Variants in EXOC1L observed in about 807,000 individuals in gnomAD.
The protein encoded by EXOC1L is exocyst complex component 1 like.
Under a neutral mutation model 4.9 loss-of-function variants are expected in EXOC1L, and 10 were observed. The ratio of observed to expected loss-of-function variants is 2.02; its 90% confidence interval spans 1.25 to 3.43. The LOEUF is 3.43. EXOC1L is among the 30% of genes most tolerant of loss of function. The pLI is 0.00. For missense variants in EXOC1L, 114 were observed against 59.4 expected (o/e 1.92, Z -3.02); for synonymous variants, 41 against 20.8 (o/e 1.97, Z -2.63).
At chr4:55,833,804 C>T (rs964591689) in intron 2 of EXOC1L, among the ~76,000 whole-genome samples, 1 of 151,846 alleles carries the variant, frequency 6.6e-6, no homozygotes, top group African/African-American at 2.4e-5. Flanking sequence ...GTTGATTCTT[C>T]CCTTTTCCCT....
chr4:55,827,938 G>A (rs765038265), intron 1 of EXOC1L, among the ~76,000 whole-genome samples: 6 of 152,098 alleles, frequency 3.9e-5, no homozygotes, highest in Admixed American at 6.5e-5. Context: ...CAGTGGAGAC[G>A]GAAACTTTTT....
rs1050146840 is a variant in EXOC1L at position 55,831,358 on chromosome 4, T to C, written c.146T>C (p.Ile49Thr). The change falls in exon 2 of 3, where the codon ATA (isoleucine) becomes ACA (threonine). Residue 49 changes from isoleucine (I) to threonine (T), a missense_variant. Ile to Thr is a moderately conservative substitution (Grantham distance 89). Transcript: ENST00000636125. ...GTGACCAAAAAGGAAGAAGTAAAAA[T>C]AGTCATGGTGAAACACTACAGAATA... Reference protein sequence around the residue: ...VSVTKKEEVKIVMVKHYRIGL... With the variant: ...VSVTKKEEVKTVMVKHYRIGL... 3.0e-6 allele frequency: 2 copies of C among 662,168 alleles called. No homozygotes were observed. Among genetic ancestry groups the C allele is most frequent in the Non-Finnish European group, 5.4e-6 (2 of 369,276 alleles). 41.0% of individuals were successfully genotyped at this position (662,168 alleles called of 1,614,324 possible). A position where few individuals can be genotyped will look rare whatever the true frequency, so the allele number is the denominator to read the frequency against.
chr4:55,828,156 G>T (rs1719931933), intron 1 of EXOC1L, among the ~76,000 whole-genome samples: 1 of 152,160 alleles, frequency 6.6e-6, no homozygotes, highest in South Asian at 2.1e-4. Flanking sequence ...CTCCATCATA[G>T]CCTTTAGTCT....
At chr4:55,833,750 A>G (rs28561939) in intron 2 of EXOC1L, among the ~76,000 whole-genome samples, 3,127 of 151,844 alleles carry the variant, frequency 0.021, 125 homozygotes, top group African/African-American at 0.072. Context: ...ACTGTGCTCT[A>G]TTTTTTCCTC....
Position 55,819,984 on chromosome 4 carries a change from G to A in EXOC1L, c.-43G>A. On this transcript the variant is annotated 5_prime_UTR_variant, in exon 1 of 3. It adds an upstream start codon to the 5' untranslated region. Coordinates refer to ENST00000636125, the MANE Select transcript of EXOC1L (RefSeq NM_001351574.3). ...CTAGGGAGCAAAAGGAGAGGAAAGA[G>A]TGAGCTTGAGCCAAGACATCAGGCC... The A allele has an allele frequency of 2.5e-6, 1 of 398,892 alleles. No individual in the cohort carries two copies. The highest frequency in any genetic ancestry group is 4.4e-6 in the Non-Finnish European group (1 of 226,030). The allele number at this position is 398,892 out of a possible 1,614,324, so 24.7% of individuals were successfully genotyped here.
intron 1 of EXOC1L, among the ~76,000 whole-genome samples, chr4:55,830,000 G>T (rs1719983360): frequency 6.6e-6 from 1 of 152,126 alleles, no homozygotes; most frequent in African/African-American, 2.4e-5. Flanking sequence ...TTCTATTGCT[G>T]ATGCATCTCC....
chr4:55,830,457 T>C (rs1026163659), intron 1 of EXOC1L, among the ~76,000 whole-genome samples: 2 of 152,194 alleles, frequency 1.3e-5, no homozygotes, highest in Non-Finnish European at 2.9e-5. Context: ...CTTTTACTTG[T>C]ATCCCCTGCG....
intron 2 of EXOC1L, among the ~76,000 whole-genome samples, chr4:55,834,511 A>T (rs1275604053): frequency 6.6e-6 from 1 of 151,994 alleles, no homozygotes; most frequent in Non-Finnish European, 1.5e-5. Flanking sequence ...ATGCATACTC[A>T]GGCTCCAATT....
At chr4:55,821,649 A>G (rs549155981) in intron 1 of EXOC1L, among the ~76,000 whole-genome samples, 1 of 152,282 alleles carries the variant, frequency 6.6e-6, no homozygotes, top group Admixed American at 6.5e-5. Flanking sequence ...GTTCTATCTG[A>G]CATGAAAAAA....
chr4:55,820,213 G>C (rs1719704360), intron 1 of EXOC1L, 66 bp downstream of exon 1: 1 of 394,876 alleles, frequency 2.5e-6, no homozygotes, highest in African/African-American at 2.1e-5. Flanking sequence ...ATGATAGAGG[G>C]AATTTTTTTT....
At chr4:55,823,870 TATA>T in intron 1 of EXOC1L, among the ~76,000 whole-genome samples, 1 of 152,290 alleles carries the variant, frequency 6.6e-6, no homozygotes, top group South Asian at 2.1e-4. Flanking sequence ...TTTTATGACC[TATA>T]ATACTTCCTT....
chr4:55,837,193 T>C lies in EXOC1L; in HGVS notation c.361T>C (p.Tyr121His). The C allele has an allele frequency of 1.4e-6, 1 of 702,164 alleles. No homozygotes were observed. The highest frequency in any genetic ancestry group is 2.6e-6 in the Non-Finnish European group (1 of 384,376). The allele number at this position is 702,164 out of a possible 1,614,324, so 43.5% of individuals were successfully genotyped here. Residue 121 changes from tyrosine to histidine, a missense_variant, in exon 3 of 3, where the codon TAT becomes CAT. Coordinates refer to ENST00000636125, the MANE Select transcript of EXOC1L (RefSeq NM_001351574.3). Reference protein sequence around the residue: ...ARTVNKLNHAYLKKDLQIVNF... With the variant: ...ARTVNKLNHAHLKKDLQIVNF... ...AACTGTAAATAAGCTGAATCATGCA[T>C]ATCTTAAAAAGGACTTACAGATCGT...
chr4:55,835,259 A>T (rs548559016), intron 2 of EXOC1L, among the ~76,000 whole-genome samples: 1 of 151,376 alleles, frequency 6.6e-6, no homozygotes, highest in African/African-American at 2.4e-5. Context: ...TTGTTGGTTG[A>T]TGGGCATTTG....
At chr4:55,831,188 A>T in intron 1 of EXOC1L, 146 bp from the exon 2 acceptor site, 1 of 471,960 alleles carries the variant, frequency 2.1e-6, no homozygotes, top group Admixed American at 4.2e-5. Context: ...ATTCAGATAC[A>T]TCAGGACTCA....
rs1302873442 is a variant in EXOC1L, at chr4:55,837,190, G to A, written c.358G>A (p.Ala120Thr). The change falls in exon 3 of 3, where the codon GCA (alanine) becomes ACA (threonine). Residue 120 changes from alanine to threonine, a missense_variant. Ala to Thr is a moderately conservative substitution (Grantham distance 58, BLOSUM62 0). Transcript: ENST00000636125. ...TCGAACTGTAAATAAGCTGAATCAT[G>A]CATATCTTAAAAAGGACTTACAGAT... ...FARTVNKLNH[A>T]YLKKDLQIVN... is the part of the protein sequence containing the mutation. The A allele has an allele frequency of 1.3e-5, 9 of 702,002 alleles. No homozygotes were observed. Among genetic ancestry groups the A allele is most frequent in the East Asian group, 2.7e-5 (1 of 37,250 alleles). The allele number at this position is 702,002 out of a possible 1,614,324, so 43.5% of individuals were successfully genotyped here.
chr4:55,827,547 G>C (rs1017986195), intron 1 of EXOC1L, among the ~76,000 whole-genome samples: 2 of 152,118 alleles, frequency 1.3e-5, no homozygotes, highest in Non-Finnish European at 2.9e-5. Flanking sequence ...CACAGTGCTT[G>C]GTACAAAAAG....
In EXOC1L at chr4:55,824,138, G is replaced by A. The variant is rs187530435; in HGVS notation, c.121+3991G>A. On this transcript the variant is annotated intron_variant, in intron 1 of 2. Coordinates refer to ENST00000636125, the MANE Select transcript of EXOC1L (RefSeq NM_001351574.3). ...AATTACAATCACAATTGTCAAATGG[G>A]GAACAGACCTTGAATATTAAAGTAG... Among the ~76,000 whole-genome samples, 1,019 of 151,806 alleles carry A rather than the reference G, an allele frequency of 6.7e-3. 10 individuals carry two copies. The highest frequency in any genetic ancestry group is 0.027 in the Middle Eastern group (8 of 294).
At chr4:55,825,856 A>C (rs999518237) in intron 1 of EXOC1L, among the ~76,000 whole-genome samples, 2 of 152,114 alleles carry the variant, frequency 1.3e-5, no homozygotes, top group African/African-American at 4.8e-5. Context: ...CGAGGTGAGC[A>C]TCCAGATCAC....
intron 1 of EXOC1L, among the ~76,000 whole-genome samples, chr4:55,827,565 G>A (rs375143685): frequency 7.2e-5 from 11 of 152,150 alleles, no homozygotes; most frequent in Admixed American, 3.9e-4. Context: ...AAGGGCACTC[G>A]AATATTTATC....
Sources: allele counts gnomAD v4.1 joint callset (sites outside exome capture counted in the v4.1 genomes callset), GRCh38; gene constraint gnomAD v4.1.1; transcripts MANE v1.5; gene names NCBI Gene and HGNC (gene_info 2026-07-23, HGNC 2026-07-21).